The following MAF variants were observed in gnomAD, a reference collection of about 807,000 sequenced individuals.
MAF encodes transcription factor Maf.
MAF carries 10 observed loss-of-function variants against 22.0 expected under a neutral mutation model. That is an observed-to-expected ratio of 0.45 (90% CI 0.28 to 0.77). MAF has a LOEUF of 0.77. Among genes scored for constraint, MAF ranks in the 30% least tolerant of loss-of-function variants. The pLI is 0.12. For synonymous variants in MAF, 337 were observed against 255.8 expected (o/e 1.32, Z -3.03); for missense variants, 544 against 548.4 (o/e 0.99, Z 0.08).
chr16:79,464,812 C>T, the MAF span, among the ~76,000 whole-genome samples: 4 of 152,154 alleles, frequency 2.6e-5, no homozygotes, highest in African/African-American at 9.7e-5. Flanking sequence ...GGACAGGTTA[C>T]AGCAGATGGC....
chr16:79,598,262 A>AT lies in MAF; in HGVS notation c.1118+522dup, dbSNP rs1301694588. 25 of 1,053,488 alleles carry AT rather than the reference A, an allele frequency of 2.4e-5. No homozygotes were observed. The Admixed American group carries it at 1.3e-3, about 53-fold the overall frequency. 65.3% of individuals were successfully genotyped at this position (1,053,488 alleles called of 1,614,324 possible). On this transcript the variant is annotated intron_variant, in intron 1 of 1. Transcript: ENST00000326043. ...CAACACAGCAAGCTCTAAAAGTAAA[A>AT]TTAAAAAAAAAAATCCAAACAAAAT...
chr16:79,441,265 C>T, the MAF span, among the ~76,000 whole-genome samples: 1 of 152,322 alleles, frequency 6.6e-6, no homozygotes, highest in African/African-American at 2.4e-5. Flanking sequence ...TGTTACGACA[C>T]ATTTTCCTAT....
the MAF span, among the ~76,000 whole-genome samples, chr16:79,227,512 C>A: frequency 6.6e-6 from 1 of 151,958 alleles, no homozygotes; most frequent in East Asian, 1.9e-4. Context: ...GGTCGAGTAA[C>A]GGTACTGTAA....
At chr16:79,476,476 A>G in the MAF span, among the ~76,000 whole-genome samples, 1 of 152,234 alleles carries the variant, frequency 6.6e-6, no homozygotes, top group Non-Finnish European at 1.5e-5. Context: ...GTGCATCGAC[A>G]TTTGAAAGAG....
chr16:79,424,677 C>G, the MAF span, among the ~76,000 whole-genome samples: 3 of 152,128 alleles, frequency 2.0e-5, no homozygotes, highest in Non-Finnish European at 4.4e-5. Flanking sequence ...TCCTACCAAC[C>G]TCCAGGAGTG....
chr16:79,398,922 A>G, the MAF span, among the ~76,000 whole-genome samples: 1 of 152,184 alleles, frequency 6.6e-6, no homozygotes, highest in Non-Finnish European at 1.5e-5. Context: ...CTGGAAGAAC[A>G]CATGCCTTGC....
At chr16:79,543,903 G>C in the MAF span, among the ~76,000 whole-genome samples, 1 of 151,836 alleles carries the variant, frequency 6.6e-6, no homozygotes, top group Non-Finnish European at 1.5e-5. Context: ...AGCCAAGATG[G>C]TCTCCATCTC....
the MAF span, chr16:79,211,506 A>T: frequency 6.8e-7 from 1 of 1,477,194 alleles, no homozygotes; most frequent in South Asian, 1.2e-5. Context: ...CTGAAACTGA[A>T]CCAGGTGGGG....
the MAF span, among the ~76,000 whole-genome samples, chr16:79,299,997 T>C: frequency 1.3e-5 from 2 of 152,208 alleles, no homozygotes; most frequent in African/African-American, 2.4e-5. Context: ...GCATCAGTGA[T>C]TGTGCAGGCT....
chr16:79,513,871 T>A, the MAF span, among the ~76,000 whole-genome samples: 7,533 of 152,274 alleles, frequency 0.049, 213 homozygotes, highest in South Asian at 0.067. Flanking sequence ...CAAACTTTCC[T>A]GGATGTGAAA....
the MAF span, among the ~76,000 whole-genome samples, chr16:79,238,544 T>G: frequency 6.6e-6 from 1 of 152,168 alleles, no homozygotes; most frequent in East Asian, 1.9e-4. Context: ...CTGTTTTCAC[T>G]GTCACATCTG....
chr16:79,247,232 G>A, the MAF span, among the ~76,000 whole-genome samples: 3 of 152,200 alleles, frequency 2.0e-5, no homozygotes, highest in African/African-American at 7.2e-5. Flanking sequence ...GCCTGGCCTG[G>A]TTCAAGATTC....
chr16:79,430,783 C>T, the MAF span, among the ~76,000 whole-genome samples: 1 of 152,216 alleles, frequency 6.6e-6, no homozygotes, highest in African/African-American at 2.4e-5. Context: ...GCCCCCAGTC[C>T]CTGTCTGCCT....
At chr16:79,331,482 T>C in the MAF span, among the ~76,000 whole-genome samples, 84 of 152,340 alleles carry the variant, frequency 5.5e-4, no homozygotes, top group African/African-American at 1.8e-3. Flanking sequence ...TTCTTGATGT[T>C]ATGGACTTGG....
chr16:79,347,183 G>A, the MAF span, among the ~76,000 whole-genome samples: 2 of 152,204 alleles, frequency 1.3e-5, no homozygotes, highest in African/African-American at 4.8e-5. Flanking sequence ...ACTTCCATGA[G>A]AAAGAAGGAT....
the MAF span, among the ~76,000 whole-genome samples, chr16:79,527,036 A>G: frequency 2.0e-5 from 3 of 152,186 alleles, no homozygotes; most frequent in African/African-American, 7.2e-5. Context: ...GCCTCTTGGG[A>G]GCTGCTACAA....
the MAF span, among the ~76,000 whole-genome samples, chr16:79,315,325 G>A: frequency 4.3e-4 from 66 of 152,046 alleles, no homozygotes; most frequent in Non-Finnish European, 7.1e-4. Flanking sequence ...GTGAATGGAT[G>A]GGGGAGAGTT....
the MAF span, among the ~76,000 whole-genome samples, chr16:79,569,539 G>T: frequency 2.0e-5 from 3 of 152,172 alleles, no homozygotes; most frequent in Non-Finnish European, 4.4e-5. Flanking sequence ...GGTTTGAAAC[G>T]TAATTCTCAG....
chr16:79,267,635 G>C, the MAF span, among the ~76,000 whole-genome samples: 1 of 152,210 alleles, frequency 6.6e-6, no homozygotes, highest in South Asian at 2.1e-4. Flanking sequence ...ATGACATGGA[G>C]AGAGTTCTTC....
Sources: gnomAD v4.1 joint callset for allele counts (sites outside exome capture counted in the v4.1 genomes callset) on GRCh38, gnomAD v4.1.1 for gene constraint, MANE v1.5 for transcripts, NCBI Gene and HGNC (gene_info 2026-07-23, HGNC 2026-07-21) for gene names.